DSCAM: variants seen among roughly 807,000 people sequenced by gnomAD.
DSCAM encodes cell adhesion molecule DSCAM.
In DSCAM, 47 loss-of-function variants were observed where a neutral mutation model predicts 217.7. That is an observed-to-expected ratio of 0.22 (90% confidence interval 0.17 to 0.28). The LOEUF (loss-of-function observed/expected upper bound fraction) is 0.28. Among genes scored for constraint, DSCAM ranks in the 10% least tolerant of loss-of-function variants. DSCAM has a pLI of 1.00. For synonymous variants in DSCAM, 1,056 were observed against 1,015.3 expected, an observed-to-expected ratio of 1.04 and a Z score of -0.76; for missense variants, 2,080 against 2,618.3, an observed-to-expected ratio of 0.79 and a Z score of 4.49.
intron 20 of DSCAM, among the ~76,000 whole-genome samples, chr21:40,105,814 C>T (rs773912070): frequency 1.0e-3 from 157 of 152,244 alleles, no homozygotes; most frequent in Non-Finnish European, 2.0e-3. Context: ...AAATTGCACA[C>T]AAAAAACTGA....
intron 1 of DSCAM, among the ~76,000 whole-genome samples, chr21:40,757,529 G>A (rs2091288286): frequency 6.6e-6 from 1 of 152,166 alleles, no homozygotes; most frequent in Admixed American, 6.5e-5. Flanking sequence ...CAGGAATATT[G>A]CCAGATGTGA....
Position 40,052,041 on chromosome 21 carries a change from G to A in DSCAM, c.5102C>T (p.Thr1701Met), listed in dbSNP as rs371677891. 161 of 1,614,038 alleles carry A rather than the reference G, an allele frequency of 1.0e-4. No homozygotes were observed. Among genetic ancestry groups the A allele is most frequent in the South Asian group, 1.6e-4 (15 of 91,082 alleles). ...TTGGTAATGGACCGTGTGAGTGACCGTCAGGGACTTCTGCTTAGCTGCCTC... is the reference window on the plus strand; with the variant it reads ...TTGGTAATGGACCGTGTGAGTGACCATCAGGGACTTCTGCTTAGCTGCCTC... ...FGEAAKQKSLTVTHTVHYQSV... is the reference protein window; with the variant it reads ...FGEAAKQKSLMVTHTVHYQSV... The change falls in exon 30 of 33, where the codon ACG becomes ATG. Residue 1701 changes from threonine (T) to methionine (M), a missense_variant. This residue lies in a region of DSCAM where 1,144 missense variants were observed against 1,421.1 expected (regional missense o/e 0.81). Coordinates refer to ENST00000400454, the MANE Select transcript of DSCAM (RefSeq NM_001389.5).
chr21:40,534,359 T>C (rs986928442), intron 3 of DSCAM, among the ~76,000 whole-genome samples: 1 of 152,226 alleles, frequency 6.6e-6, no homozygotes, highest in African/African-American at 2.4e-5. Context: ...AAAAAGTAAA[T>C]GTCATTTGTG....
At chr21:40,506,757 A>T (rs1046407418) in intron 3 of DSCAM, among the ~76,000 whole-genome samples, 4 of 152,184 alleles carry the variant, frequency 2.6e-5, no homozygotes, top group Admixed American at 6.5e-5. Flanking sequence ...AAACTGTTAC[A>T]TTGGAAACAT....
At chr21:40,369,823 A>G (rs2074876213) in intron 3 of DSCAM, among the ~76,000 whole-genome samples, 1 of 152,174 alleles carries the variant, frequency 6.6e-6, no homozygotes, top group African/African-American at 2.4e-5. Flanking sequence ...ATTTATCACT[A>G]TATTCTATGA....
chr21:40,509,868 T>C lies in DSCAM; in HGVS notation c.509-140623A>G, dbSNP rs373585198. 4.6e-3 allele frequency among the ~76,000 whole-genome samples: 700 copies of C among 152,342 alleles called. 2 individuals are homozygous for C. The highest frequency in any genetic ancestry group is 0.017 in the Middle Eastern group (5 of 294). ...GGCTGGGTGAGGTGGCTCATGGCTATAATCCCAGCATTTTGGGAGGCCGAG... is the reference window on the plus strand; with the variant it reads ...GGCTGGGTGAGGTGGCTCATGGCTACAATCCCAGCATTTTGGGAGGCCGAG... On this transcript the variant is annotated intron_variant, in intron 3 of 32. Transcript: ENST00000400454.
rs1415212687 is a variant in DSCAM, at chr21:40,011,381, A to T, written c.*1653T>A. On this transcript the variant is annotated 3_prime_UTR_variant, in exon 33 of 33. Transcript: ENST00000400454. ...GAAGGAGGGAGGGAGGGAAGGAAAGACATTTCTGAATATGTTCCCAAGATG... is the reference window on the plus strand; with the variant it reads ...GAAGGAGGGAGGGAGGGAAGGAAAGTCATTTCTGAATATGTTCCCAAGATG... 1.3e-5 allele frequency: 2 copies of T among 152,168 alleles called. No individual in the cohort carries two copies. Among genetic ancestry groups the T allele is most frequent in the Non-Finnish European group, 2.9e-5 (2 of 68,034 alleles). 9.4% of individuals were successfully genotyped at this position (152,168 alleles called of 1,614,324 possible).
intron 21 of DSCAM, among the ~76,000 whole-genome samples, chr21:40,088,062 T>G (rs2146578592): frequency 6.6e-6 from 1 of 152,316 alleles, no homozygotes; most frequent in African/African-American, 2.4e-5. Context: ...GAAAACAATC[T>G]GCTCAGTCTT....
At chr21:40,347,983 A>G (rs746981601) in intron 5 of DSCAM, 38 bp from the exon 6 acceptor site, 6 of 1,587,794 alleles carry the variant, frequency 3.8e-6, no homozygotes, top group Non-Finnish European at 5.1e-6. Flanking sequence ...AAAAGATAAA[A>G]ACATCACTAG....
intron 3 of DSCAM, among the ~76,000 whole-genome samples, chr21:40,513,907 C>A (rs895155590): frequency 5.3e-5 from 8 of 152,078 alleles, no homozygotes; most frequent in Non-Finnish European, 1.2e-4. Flanking sequence ...AGTCAAAATA[C>A]CCTCCAGGCA....
At chr21:40,378,580 T>A (rs1601599002) in intron 3 of DSCAM, among the ~76,000 whole-genome samples, 1 of 12,530 alleles carries the variant, frequency 8.0e-5, no homozygotes, top group Admixed American at 1.1e-3. Context: ...TTTTTTTTTT[T>A]TTTTTTTTTT....
chr21:40,092,559 G>C (rs1190488750), intron 21 of DSCAM, among the ~76,000 whole-genome samples: 1 of 152,208 alleles, frequency 6.6e-6, no homozygotes, highest in Non-Finnish European at 1.5e-5. Context: ...CACTGCACTA[G>C]CCAGGCCTTT....
intron 3 of DSCAM, among the ~76,000 whole-genome samples, chr21:40,596,557 A>G (rs1473873962): frequency 6.6e-6 from 1 of 152,202 alleles, no homozygotes; most frequent in Non-Finnish European, 1.5e-5. Context: ...GAGAGGTTGG[A>G]AAGTATAATT....
intron 3 of DSCAM, among the ~76,000 whole-genome samples, chr21:40,426,439 G>A (rs562441405): frequency 1.3e-5 from 2 of 152,240 alleles, no homozygotes; most frequent in East Asian, 3.9e-4. Flanking sequence ...AACAGTTCAC[G>A]GCATCTATGT....
chr21:40,619,961 A>G (rs35294190), intron 3 of DSCAM, among the ~76,000 whole-genome samples: 7,942 of 140,990 alleles, frequency 0.056, 298 homozygotes, highest in South Asian at 0.098. Context: ...AAAAGGAAAA[A>G]GAGAAAAAGA....
Position 40,728,138 on chromosome 21 carries a change from G to A in DSCAM, c.44-19367C>T, listed in dbSNP as rs144674860. On this transcript the variant is annotated intron_variant, in intron 1 of 32. Transcript: ENST00000400454. ...GCACTTACTCCCCATGGCCCTCAGCGTCTTTAGTGCACTCGATCATTTACC... is the reference window on the plus strand; with the variant it reads ...GCACTTACTCCCCATGGCCCTCAGCATCTTTAGTGCACTCGATCATTTACC... Among the ~76,000 whole-genome samples the A allele has an allele frequency of 3.4e-3, 519 of 152,206 alleles. 2 individuals carry two copies. The highest frequency in any genetic ancestry group is 0.01 in the Middle Eastern group (3 of 294).
intron 1 of DSCAM, among the ~76,000 whole-genome samples, chr21:40,839,961 C>A (rs1254135042): frequency 6.6e-6 from 1 of 152,100 alleles, no homozygotes; most frequent in Admixed American, 6.5e-5. Context: ...CTCTGTTAAA[C>A]CATAATATGT....
chr21:40,384,832 T>G (rs181364683), intron 3 of DSCAM: 1 of 152,302 alleles, frequency 6.6e-6, no homozygotes, highest in East Asian at 1.9e-4. Flanking sequence ...CTCCTCCAAC[T>G]GCCATTTATT....
In DSCAM at chr21:40,839,339, T is replaced by G. The variant is rs181484521; in HGVS notation, c.43+7280A>C. 5.5e-3 allele frequency among the ~76,000 whole-genome samples: 844 copies of G among 152,318 alleles called. 11 individuals are homozygous for G. Among genetic ancestry groups the G allele is most frequent in the African/African-American group, 0.019 (809 of 41,574 alleles). ...TTTGAACTCTTCTCTCAGTAATTGC[T>G]TTATTACTGAGATGTATGCAGATTT... On this transcript the variant is annotated intron_variant, in intron 1 of 32. Transcript: ENST00000400454.
Sources: allele counts gnomAD v4.1 joint callset (sites outside exome capture counted in the v4.1 genomes callset), GRCh38; gene constraint gnomAD v4.1.1; regional missense constraint gnomAD v4.1.1; transcripts MANE v1.5; gene names NCBI Gene and HGNC (gene_info 2026-07-23, HGNC 2026-07-21).